RNF130: variants seen among roughly 807,000 people sequenced by gnomAD.
The protein encoded by RNF130 is E3 ubiquitin-protein ligase RNF130.
Under a neutral mutation model 44.6 loss-of-function variants are expected in RNF130, and 21 were observed. The observed-to-expected ratio is 0.47, with a 90% CI of 0.33 to 0.68. RNF130 has a LOEUF of 0.68. Ranked by LOEUF, RNF130 falls within the 30% of genes least tolerant of loss-of-function variation. The pLI, the probability that RNF130 is intolerant of heterozygous loss-of-function variation, is 0.02. For missense variants in RNF130, 479 were observed against 560.6 expected, an observed-to-expected ratio of 0.85 and a Z score of 1.47; for synonymous variants, 214 against 210.4, an observed-to-expected ratio of 1.02 and a Z score of -0.15.
chr5:179,998,871 ATATATATATATATGTTT>A lies in RNF130; in HGVS notation c.693+14173_693+14189del, dbSNP rs1455952682. Among the ~76,000 whole-genome samples, 22 of 128,048 alleles carry A rather than the reference ATATATATATATATGTTT, an allele frequency of 1.7e-4. 1 individual carries two copies. The highest frequency in any genetic ancestry group is 5.5e-4 in the Admixed American group (7 of 12,636). The allele number at this position is 128,048 out of a possible 152,430, so 84.0% of individuals were successfully genotyped here. On this transcript the variant is annotated intron_variant, in intron 3 of 8. Transcript: ENST00000521389. Reference sequence around the variant, plus strand: ...GATCTAGTATTTTTTATATATATATATATATATATATATGTTTTATATATCTGAGTGCTCCAGTGTTG... The same window carrying A: ...GATCTAGTATTTTTTATATATATATATATATATCTGAGTGCTCCAGTGTTG...
In RNF130 at chr5:180,067,341, T is replaced by C. The variant is rs79815382; in HGVS notation, c.247+4115A>G. ...GATCTTTGCAATTCTGACCCTGCTA[T>C]CAAATATATGTTACATATGCCACGT... On this transcript the variant is annotated intron_variant, in intron 1 of 8. Coordinates refer to ENST00000521389, the MANE Select transcript of RNF130 (RefSeq NM_018434.6). Among the ~76,000 whole-genome samples the C allele has an allele frequency of 9.4e-3, 1,428 of 152,306 alleles. 17 individuals carry two copies. Among genetic ancestry groups the C allele is most frequent in the African/African-American group, 0.029 (1,186 of 41,554 alleles).
intron 1 of RNF130, among the ~76,000 whole-genome samples, chr5:180,042,819 TG>T (rs1764456989): frequency 6.6e-6 from 1 of 152,252 alleles, no homozygotes; most frequent in South Asian, 2.1e-4. Context: ...TTCTTCCCTG[TG>T]GTCTCGCATA....
chr5:179,981,391 C>T (rs1209316329), intron 3 of RNF130, among the ~76,000 whole-genome samples: 5 of 152,254 alleles, frequency 3.3e-5, no homozygotes, highest in Admixed American at 6.5e-5. Context: ...ACCAAAACAA[C>T]GGACACCTTA....
chr5:179,945,452 G>A (rs1010992200), intron 7 of RNF130, among the ~76,000 whole-genome samples: 3 of 152,162 alleles, frequency 2.0e-5, no homozygotes, highest in African/African-American at 7.2e-5. Flanking sequence ...CAAGGAAAGA[G>A]AAAACATTGC....
chr5:179,968,055 G>A (rs1042866138), intron 6 of RNF130, among the ~76,000 whole-genome samples: 3 of 152,154 alleles, frequency 2.0e-5, no homozygotes, highest in Non-Finnish European at 4.4e-5. Context: ...CAGCACTTTG[G>A]GAGGCCGAGG....
intron 5 of RNF130, among the ~76,000 whole-genome samples, chr5:179,971,105 T>C (rs889340785): frequency 4.6e-5 from 7 of 152,096 alleles, no homozygotes; most frequent in Non-Finnish European, 1.0e-4. Context: ...GATGGGAGAT[T>C]TTCTCTCTTA....
At chr5:179,929,763 T>A (rs1389082807) in intron 7 of RNF130, among the ~76,000 whole-genome samples, 1 of 150,658 alleles carries the variant, frequency 6.6e-6, no homozygotes, top group Non-Finnish European at 1.5e-5. Flanking sequence ...AAAAAAATTC[T>A]AGGATCAATT....
At chr5:180,010,061 C>T (rs1763554611) in intron 3 of RNF130, among the ~76,000 whole-genome samples, 1 of 151,868 alleles carries the variant, frequency 6.6e-6, no homozygotes, top group Non-Finnish European at 1.5e-5. Flanking sequence ...TCCTGGCTAA[C>T]ACGGTGAAAC....
At chr5:180,039,319 A>C (rs1458240053) in intron 2 of RNF130, among the ~76,000 whole-genome samples, 1 of 151,798 alleles carries the variant, frequency 6.6e-6, no homozygotes, top group Non-Finnish European at 1.5e-5. Flanking sequence ...AGCTCACTGC[A>C]ACCTCCACCT....
intron 1 of RNF130, among the ~76,000 whole-genome samples, chr5:180,044,703 G>A (rs1351505987): frequency 6.6e-6 from 1 of 152,014 alleles, no homozygotes; most frequent in Non-Finnish European, 1.5e-5. Context: ...ATGGTGGTGG[G>A]TGCCTGTAAT....
In RNF130 at chr5:180,020,965, T is replaced by C. The variant is rs573014548; in HGVS notation, c.443-7654A>G. On this transcript the variant is annotated intron_variant, in intron 2 of 8. Coordinates refer to ENST00000521389, the MANE Select transcript of RNF130 (RefSeq NM_018434.6). ...AGGTCACCTGGATTTAAGTCTTAGG[T>C]CTTCCTTCCTTAAAATCTAATTTTT... Among the ~76,000 whole-genome samples, 6 of 152,134 alleles carry C rather than the reference T, an allele frequency of 3.9e-5. No individual in the cohort carries two copies. The East Asian group carries it at 1.2e-3, about 29-fold the overall frequency.
Position 179,955,674 on chromosome 5 carries a change from G to A in RNF130, c.1245-5C>T, listed in dbSNP as rs756310208. On this transcript the variant is annotated splice_polypyrimidine_tract_variant and splice_region_variant and intron_variant, in intron 8 of 8. Coordinates refer to ENST00000521389, the MANE Select transcript of RNF130 (RefSeq NM_018434.6). ...CTTCTTCAAAACCATTCTACCCTAT[G>A]GAATAAAAGGAAAAAAGAGGTCATA... The A allele has an allele frequency of 8.3e-6, 13 of 1,573,642 alleles. No homozygotes were observed. Among genetic ancestry groups the A allele is most frequent in the Non-Finnish European group, 1.1e-5 (13 of 1,159,612 alleles).
intron 8 of RNF130, chr5:179,956,437 C>T (rs1762212938): frequency 6.6e-6 from 1 of 152,546 alleles, no homozygotes; most frequent in South Asian, 2.1e-4. Flanking sequence ...CTATTTTTAC[C>T]TAATCTATCT....
intron 3 of RNF130, among the ~76,000 whole-genome samples, chr5:179,982,375 T>C (rs1276008054): frequency 6.6e-6 from 1 of 152,064 alleles, no homozygotes; most frequent in African/African-American, 2.4e-5. Flanking sequence ...TGCATGGACA[T>C]ATGCTTTCTT....
chr5:180,071,731 G>A lies in RNF130; in HGVS notation c.-29C>T. 8 of 1,213,910 alleles carry A rather than the reference G, an allele frequency of 6.6e-6. No homozygotes were observed. The highest frequency in any genetic ancestry group is 8.2e-6 in the Non-Finnish European group (8 of 977,890). 75.2% of individuals were successfully genotyped at this position (1,213,910 alleles called of 1,614,324 possible). On this transcript the variant is annotated 5_prime_UTR_variant, in exon 1 of 9. Transcript: ENST00000521389. ...CCCTCCGGCAGCCGCCGCTGCTCGC[G>A]GACCGGGCTCCGGGGCCGGCGCCTA... is the stretch of plus-strand genomic sequence containing the variant.
At chr5:179,967,360 G>A (rs1762474835) in intron 6 of RNF130, among the ~76,000 whole-genome samples, 1 of 152,230 alleles carries the variant, frequency 6.6e-6, no homozygotes, top group Non-Finnish European at 1.5e-5. Context: ...TTGCTTCATG[G>A]TAAATGTCCA....
At chr5:179,971,261 T>C (rs1235768688) in intron 5 of RNF130, among the ~76,000 whole-genome samples, 2 of 152,226 alleles carry the variant, frequency 1.3e-5, no homozygotes, top group African/African-American at 4.8e-5. Flanking sequence ...AGCAGCCTTC[T>C]GAAGCTCTAG....
chr5:179,936,994 T>C (rs914575775), intron 7 of RNF130, among the ~76,000 whole-genome samples: 3 of 152,182 alleles, frequency 2.0e-5, no homozygotes, highest in Non-Finnish European at 1.5e-5. Context: ...GTTCTAAAAG[T>C]ATAAAACCGA....
intron 7 of RNF130, among the ~76,000 whole-genome samples, chr5:179,938,221 G>T (rs1315662940): frequency 2.0e-5 from 3 of 152,148 alleles, no homozygotes; most frequent in Non-Finnish European, 4.4e-5. Flanking sequence ...GCCTCTCAAA[G>T]TACTGGGATC....
Sources: gnomAD v4.1 joint callset for allele counts (sites outside exome capture counted in the v4.1 genomes callset) on GRCh38, gnomAD v4.1.1 for gene constraint, MANE v1.5 for transcripts, NCBI Gene and HGNC (gene_info 2026-07-23, HGNC 2026-07-21) for gene names.